ARHGAP26: variants seen among roughly 807,000 people sequenced by gnomAD.
The protein encoded by ARHGAP26 is Rho GTPase activating protein 26.
In ARHGAP26, 38 loss-of-function variants were observed where a neutral mutation model predicts 104.8. The observed-to-expected ratio is 0.36, with a 90% confidence interval of 0.28 to 0.48. The LOEUF (loss-of-function observed/expected upper bound fraction) is 0.48. Among genes scored for constraint, ARHGAP26 ranks in the 20% least tolerant of loss-of-function variants. The pLI, the probability that ARHGAP26 is intolerant of heterozygous loss-of-function variation, is 0.99. For synonymous variants in ARHGAP26, 341 were observed against 340.0 expected (o/e 1.00, Z -0.03); for missense variants, 704 against 947.9 (o/e 0.74, Z 3.38).
At chr5:143,152,186 C>A (rs1179965991) in intron 20 of ARHGAP26, among the ~76,000 whole-genome samples, 1 of 152,046 alleles carries the variant, frequency 6.6e-6, no homozygotes, top group African/African-American at 2.4e-5. Flanking sequence ...TGTCAAAACC[C>A]ATAGAACACA....
In ARHGAP26 at chr5:143,223,928, T is replaced by G. The variant is rs1423120152; in HGVS notation, c.*1482T>G. ...CAGAGTTATCCGTATCTTCCACATG[T>G]GAATGTCATTGCAAGGGTGACTCTA... is the stretch of plus-strand genomic sequence containing the variant. On this transcript the variant is annotated 3_prime_UTR_variant, in exon 23 of 23. Transcript: ENST00000645722. 1 of 231,698 alleles carries G rather than the reference T, an allele frequency of 4.3e-6. No homozygotes were observed. Among genetic ancestry groups the G allele is most frequent in the Non-Finnish European group, 8.6e-6 (1 of 116,846 alleles). The allele number at this position is 231,698 out of a possible 1,614,324, so 14.4% of individuals were successfully genotyped here. A position where few individuals can be genotyped will look rare whatever the true frequency, so the allele number is the denominator to read the frequency against.
rs11369150 is a variant in ARHGAP26, at chr5:142,949,232, G to GAGAGA, written c.1107+17107_1107+17108insAGAGA. ...GAGAGAGAGAGAGAGGAGAGAGAGA[G>GAGAGA]GAGAGAGAGAGAGAGAGAGAGAGAG... On this transcript the variant is annotated intron_variant, in intron 11 of 22. Coordinates refer to ENST00000645722, the MANE Select transcript of ARHGAP26 (RefSeq NM_001135608.3). Among the ~76,000 whole-genome samples the GAGAGA allele has an allele frequency of 5.5e-3, 149 of 27,316 alleles. 35 individuals carry two copies. The highest frequency in any genetic ancestry group is 0.025 in the East Asian group (9 of 354). 17.9% of individuals were successfully genotyped at this position (27,316 alleles called of 152,430 possible).
intron 1 of ARHGAP26, among the ~76,000 whole-genome samples, chr5:142,858,875 G>A (rs59294958): frequency 0.024 from 3,634 of 152,268 alleles, 157 homozygotes; most frequent in African/African-American, 0.083. Flanking sequence ...AATGGGCTAA[G>A]GGGCAGTAAC....
At chr5:143,073,553 G>T (rs552159443) in intron 17 of ARHGAP26, among the ~76,000 whole-genome samples, 160 of 152,318 alleles carry the variant, frequency 1.1e-3, no homozygotes, top group African/African-American at 3.7e-3. Context: ...CGGTAGGGGA[G>T]AGCATTGGCC....
chr5:142,836,075 ACGTACATT>A (rs1769497279), intron 1 of ARHGAP26, among the ~76,000 whole-genome samples: 1 of 152,226 alleles, frequency 6.6e-6, no homozygotes, highest in African/African-American at 2.4e-5. Context: ...TGGAATCTTC[ACGTACATT>A]GACTTGGTGT....
chr5:143,129,023 A>G (rs1244645164), intron 18 of ARHGAP26, among the ~76,000 whole-genome samples: 2 of 152,222 alleles, frequency 1.3e-5, no homozygotes, highest in Non-Finnish European at 2.9e-5. Context: ...AAGAAGGTCT[A>G]AAAATGTGTA....
intron 17 of ARHGAP26, among the ~76,000 whole-genome samples, chr5:143,108,292 A>T (rs957564020): frequency 3.9e-5 from 6 of 152,198 alleles, no homozygotes; most frequent in Admixed American, 3.9e-4. Context: ...TGGAATGTGG[A>T]TGTACTATAC....
chr5:142,936,680 G>A (rs916642278), intron 11 of ARHGAP26, among the ~76,000 whole-genome samples: 2 of 152,126 alleles, frequency 1.3e-5, no homozygotes, highest in Non-Finnish European at 2.9e-5. Flanking sequence ...TAGACACGTA[G>A]ATCAATGGAA....
chr5:142,906,430 C>T (rs1761114439), intron 8 of ARHGAP26, among the ~76,000 whole-genome samples: 1 of 152,180 alleles, frequency 6.6e-6, no homozygotes, highest in Non-Finnish European at 1.5e-5. Context: ...TCCACCAACC[C>T]CTCCACATTT....
At chr5:143,015,039 A>T (rs993381708) in intron 12 of ARHGAP26, among the ~76,000 whole-genome samples, 11 of 152,140 alleles carry the variant, frequency 7.2e-5, no homozygotes, top group African/African-American at 2.4e-4. Flanking sequence ...CTTTCTCTTC[A>T]AAATATAATT....
intron 20 of ARHGAP26, among the ~76,000 whole-genome samples, chr5:143,177,697 G>A (rs899848324): frequency 6.6e-6 from 1 of 152,188 alleles, no homozygotes; most frequent in African/African-American, 2.4e-5. Flanking sequence ...TTTGCAGAGT[G>A]TTTCATTTGA....
At chr5:142,968,162 A>G (rs529151400) in intron 11 of ARHGAP26, among the ~76,000 whole-genome samples, 1 of 152,168 alleles carries the variant, frequency 6.6e-6, no homozygotes, top group African/African-American at 2.4e-5. Context: ...TAACAACTCT[A>G]TGAGGTAGGT....
intron 20 of ARHGAP26, chr5:143,166,100 G>A: frequency 7.6e-7 from 1 of 1,309,136 alleles, no homozygotes; most frequent in Non-Finnish European, 1.0e-6. Context: ...GGCACAAGGT[G>A]AGAAGGGAGG....
chr5:143,127,753 T>G (rs1262754364), intron 18 of ARHGAP26, among the ~76,000 whole-genome samples: 1 of 152,236 alleles, frequency 6.6e-6, no homozygotes, highest in Non-Finnish European at 1.5e-5. Flanking sequence ...GTTCTGGACT[T>G]TGTGCACAAA....
chr5:142,788,030 A>G lies in ARHGAP26; in HGVS notation c.154+17115A>G, dbSNP rs113670211. Among the ~76,000 whole-genome samples, 1,184 of 137,162 alleles carry G rather than the reference A, an allele frequency of 8.6e-3. 12 individuals are homozygous for G. Among genetic ancestry groups the G allele is most frequent in the Middle Eastern group, 0.039 (10 of 258 alleles). 90.0% of individuals were successfully genotyped at this position (137,162 alleles called of 152,430 possible). Reference sequence around the variant, plus strand: ...TTTTTTTAAGATGGAGTCTTACTCTATTGCCCAGGCTGGAGTACAGTGGCA... The same window carrying G: ...TTTTTTTAAGATGGAGTCTTACTCTGTTGCCCAGGCTGGAGTACAGTGGCA... On this transcript the variant is annotated intron_variant, in intron 1 of 22. Transcript: ENST00000645722.
intron 1 of ARHGAP26, among the ~76,000 whole-genome samples, chr5:142,784,969 C>G (rs1430419430): frequency 6.9e-6 from 1 of 144,960 alleles, no homozygotes; most frequent in African/African-American, 2.7e-5. Context: ...CTCTGTTGTC[C>G]AGGCTGGAGT....
In ARHGAP26 at chr5:143,193,596, C is replaced by T. The variant is rs193101651; in HGVS notation, c.1989-13602C>T. Among the ~76,000 whole-genome samples the T allele has an allele frequency of 3.9e-5, 6 of 152,068 alleles. No individual in the cohort carries two copies. The East Asian group carries it at 1.2e-3, about 29-fold the overall frequency. ...AACCCTTACTTTACTTAACAGTGGC[C>T]CCAAAGTCCAAGAGTGGTAATGCTG... On this transcript the variant is annotated intron_variant, in intron 20 of 22. Coordinates refer to ENST00000645722, the MANE Select transcript of ARHGAP26 (RefSeq NM_001135608.3).
intron 12 of ARHGAP26, among the ~76,000 whole-genome samples, chr5:143,029,113 C>T (rs1781483263): frequency 6.6e-6 from 1 of 152,174 alleles, no homozygotes; most frequent in South Asian, 2.1e-4. Context: ...GCAAGCCCTT[C>T]TAGTCTTCCC....
intron 15 of ARHGAP26, among the ~76,000 whole-genome samples, chr5:143,054,811 C>T (rs1785560185): frequency 6.6e-6 from 1 of 152,134 alleles, no homozygotes; most frequent in Admixed American, 6.5e-5. Context: ...TGGGGTCTTC[C>T]CCGAAGTCCC....
Sources: allele counts gnomAD v4.1 joint callset (sites outside exome capture counted in the v4.1 genomes callset), GRCh38; gene constraint gnomAD v4.1.1; transcripts MANE v1.5; gene names NCBI Gene and HGNC (gene_info 2026-07-23, HGNC 2026-07-21).